Variants in GPC6 observed in about 807,000 individuals in gnomAD.
GPC6 encodes the protein glypican 6.
A neutral mutation model predicts 55.2 loss-of-function variants in GPC6; 14 were observed. The observed-to-expected ratio is 0.25, with a 90% CI of 0.17 to 0.40. The LOEUF (loss-of-function observed/expected upper bound fraction) is 0.40, where lower values mean the gene tolerates loss of function less well. Ranked by LOEUF, GPC6 falls within the 10% of genes least tolerant of loss-of-function variation. GPC6 has a pLI of 1.00. For missense variants in GPC6, 641 were observed against 708.5 expected (o/e 0.90, Z 1.08); for synonymous variants, 278 against 259.6 (o/e 1.07, Z -0.68).
At chr13:93,735,924 G>T (rs1009000966) in intron 2 of GPC6, among the ~76,000 whole-genome samples, 1 of 152,160 alleles carries the variant, frequency 6.6e-6, no homozygotes, top group African/African-American at 2.4e-5. Context: ...CTTGCCCAAG[G>T]GTCTTGTTCC....
chr13:93,344,691 C>A (rs1317233394), intron 1 of GPC6, among the ~76,000 whole-genome samples: 1 of 152,064 alleles, frequency 6.6e-6, no homozygotes, highest in African/African-American at 2.4e-5. Flanking sequence ...GTTGACAATC[C>A]CTGAGCCTTT....
At chr13:93,922,562 C>G (rs965366383) in intron 3 of GPC6, among the ~76,000 whole-genome samples, 2 of 152,080 alleles carry the variant, frequency 1.3e-5, no homozygotes, top group Non-Finnish European at 2.9e-5. Context: ...TAGTTTCTAC[C>G]CACCAGATAC....
chr13:93,504,680 T>C (rs543926931), intron 1 of GPC6, among the ~76,000 whole-genome samples: 1 of 152,058 alleles, frequency 6.6e-6, no homozygotes, highest in East Asian at 1.9e-4. Flanking sequence ...CTTGAGGTGA[T>C]AATAATTATT....
chr13:93,655,347 A>G (rs991165858), intron 2 of GPC6, among the ~76,000 whole-genome samples: 4 of 152,164 alleles, frequency 2.6e-5, no homozygotes, highest in African/African-American at 4.8e-5. Flanking sequence ...GTATTCCTGC[A>G]GGATCCAACA....
chr13:93,458,715 C>T (rs12585159), intron 1 of GPC6, among the ~76,000 whole-genome samples: 32,876 of 152,024 alleles, frequency 0.22, 3,680 homozygotes, highest in Middle Eastern at 0.29. Flanking sequence ...CTTTCCTAGA[C>T]TCCATGGTAT....
intron 6 of GPC6, among the ~76,000 whole-genome samples, chr13:94,342,012 T>C (rs1302697828): frequency 6.6e-6 from 1 of 152,236 alleles, no homozygotes. Flanking sequence ...AGGGTTCCCA[T>C]ATCACTGCAT....
chr13:93,330,181 T>C (rs1207252807), intron 1 of GPC6, among the ~76,000 whole-genome samples: 1 of 152,206 alleles, frequency 6.6e-6, no homozygotes, highest in Non-Finnish European at 1.5e-5. Context: ...CTTGGGTTTC[T>C]ACTCACTGAG....
At chr13:94,358,173 C>T (rs919070970) in intron 6 of GPC6, among the ~76,000 whole-genome samples, 1 of 151,788 alleles carries the variant, frequency 6.6e-6, no homozygotes, top group African/African-American at 2.4e-5. Context: ...ACCTGTAGTT[C>T]CAGCTACTCA....
At chr13:93,518,993 G>A (rs908786573) in intron 1 of GPC6, among the ~76,000 whole-genome samples, 1 of 151,990 alleles carries the variant, frequency 6.6e-6, no homozygotes, top group African/African-American at 2.4e-5. Flanking sequence ...TATGTATTGT[G>A]TATGGCTGCT....
At chr13:93,234,901 T>C (rs1052006006) in intron 1 of GPC6, among the ~76,000 whole-genome samples, 2 of 152,174 alleles carry the variant, frequency 1.3e-5, no homozygotes, top group South Asian at 4.1e-4. Context: ...AAGAGATTTC[T>C]CAAATAGGAT....
At chr13:93,350,095 T>C (rs2139162849) in intron 1 of GPC6, among the ~76,000 whole-genome samples, 1 of 152,324 alleles carries the variant, frequency 6.6e-6, no homozygotes, top group Middle Eastern at 3.4e-3. Context: ...CCCAGGGAAG[T>C]AAAATGGGTA....
At chr13:93,983,494 G>A (rs553284703) in intron 3 of GPC6, among the ~76,000 whole-genome samples, 1 of 151,782 alleles carries the variant, frequency 6.6e-6, no homozygotes, top group African/African-American at 2.4e-5. Context: ...GGAGTGCAAT[G>A]GTGCTGTCAC....
intron 6 of GPC6, among the ~76,000 whole-genome samples, chr13:94,317,813 T>C (rs1026820527): frequency 1.3e-5 from 2 of 152,148 alleles, no homozygotes; most frequent in Non-Finnish European, 2.9e-5. Context: ...ACTTGGATCG[T>C]AGTATGACAA....
At chr13:93,483,568 G>T (rs973955712) in intron 1 of GPC6, among the ~76,000 whole-genome samples, 4 of 151,962 alleles carry the variant, frequency 2.6e-5, no homozygotes, top group Admixed American at 2.0e-4. Context: ...CAGGCTTTAT[G>T]CTATCCTGCA....
At chr13:93,947,372 C>T (rs527718237) in intron 3 of GPC6, among the ~76,000 whole-genome samples, 1 of 151,734 alleles carries the variant, frequency 6.6e-6, no homozygotes, top group African/African-American at 2.4e-5. Context: ...ACAAACCATC[C>T]ATCGGAAAAA....
intron 3 of GPC6, among the ~76,000 whole-genome samples, chr13:93,836,855 G>A (rs1299867328): frequency 6.6e-6 from 1 of 152,108 alleles, no homozygotes; most frequent in African/African-American, 2.4e-5. Context: ...ACTGTGCTAA[G>A]CACTAGAAAT....
intron 3 of GPC6, among the ~76,000 whole-genome samples, chr13:94,024,102 G>GACACACACACAC (rs140178004): frequency 2.1e-4 from 31 of 144,298 alleles, no homozygotes; most frequent in Admixed American, 5.5e-4. Context: ...ACTGTGTATA[G>GACACACACACAC]ACACACACAC....
chr13:93,468,766 G>T (rs1879004229), intron 1 of GPC6, among the ~76,000 whole-genome samples: 1 of 152,194 alleles, frequency 6.6e-6, no homozygotes, highest in Non-Finnish European at 1.5e-5. Context: ...TCTAATGAAT[G>T]CAATTGCACT....
At chr13:94,284,684 T>C (rs1400597916) in intron 4 of GPC6, among the ~76,000 whole-genome samples, 1 of 152,118 alleles carries the variant, frequency 6.6e-6, no homozygotes, top group Non-Finnish European at 1.5e-5. Context: ...TCACACACAA[T>C]TTTATCTGAG....
Sources: gnomAD v4.1 joint callset for allele counts (sites outside exome capture counted in the v4.1 genomes callset) on GRCh38, gnomAD v4.1.1 for gene constraint, MANE v1.5 for transcripts, NCBI Gene and HGNC (gene_info 2026-07-23, HGNC 2026-07-21) for gene names.